The following ERBB4 variants were observed in gnomAD, a reference collection of about 807,000 sequenced individuals.
ERBB4 encodes erb-b2 receptor tyrosine kinase 4, also known as receptor tyrosine-protein kinase erbB-4.
Under a neutral mutation model 158.0 loss-of-function variants are expected in ERBB4, and 42 were observed. The observed-to-expected ratio is 0.27, with a 90% confidence interval of 0.21 to 0.34. The LOEUF (loss-of-function observed/expected upper bound fraction) is 0.34, where lower values mean the gene tolerates loss of function less well. Among genes scored for constraint, ERBB4 ranks in the 10% least tolerant of loss-of-function variants. The pLI, the probability that ERBB4 is intolerant of heterozygous loss-of-function variation, is 1.00. For synonymous variants in ERBB4, 583 were observed against 558.7 expected, an observed-to-expected ratio of 1.04 and a Z score of -0.61; for missense variants, 1,333 against 1,624.1, an observed-to-expected ratio of 0.82 and a Z score of 3.08.
At chr2:211,955,672 C>T (rs1370338148) in intron 2 of ERBB4, among the ~76,000 whole-genome samples, 1 of 152,066 alleles carries the variant, frequency 6.6e-6, no homozygotes, top group East Asian at 1.9e-4. Context: ...GCAGCCAGGC[C>T]TCAGTCAATC....
chr2:212,446,198 T>A (rs903196290), intron 1 of ERBB4, among the ~76,000 whole-genome samples: 2 of 152,036 alleles, frequency 1.3e-5, no homozygotes, highest in Non-Finnish European at 2.9e-5. Context: ...ACGGTTGGAC[T>A]TGTGATGGTT....
At chr2:212,315,437 C>G (rs545019339) in intron 1 of ERBB4, among the ~76,000 whole-genome samples, 2 of 151,512 alleles carry the variant, frequency 1.3e-5, no homozygotes, top group East Asian at 3.9e-4. Flanking sequence ...ATATCACACA[C>G]ATAATTATTA....
chr2:211,745,659 T>A lies in ERBB4; in HGVS notation c.622+4980A>T, dbSNP rs1357607478. On this transcript the variant is annotated intron_variant, in intron 5 of 27. Transcript: ENST00000342788. ...GGGTTTTGGATATATTAAAAATTAT[T>A]TAAGAGCTTCAACTGCATTGTTGAA... 3.3e-5 allele frequency among the ~76,000 whole-genome samples: 5 copies of A among 149,730 alleles called. 1 individual carries two copies. Among genetic ancestry groups the A allele is most frequent in the African/African-American group, 9.8e-5 (4 of 40,806 alleles).
intron 1 of ERBB4, among the ~76,000 whole-genome samples, chr2:212,420,721 G>A (rs78403063): frequency 1.3e-4 from 20 of 152,198 alleles, no homozygotes; most frequent in African/African-American, 3.9e-4. Flanking sequence ...ATCCTCAGGC[G>A]TTATAAAGAA....
intron 1 of ERBB4, among the ~76,000 whole-genome samples, chr2:212,517,039 C>T (rs936589358): frequency 1.6e-4 from 24 of 152,092 alleles, no homozygotes; most frequent in African/African-American, 5.8e-4. Flanking sequence ...TCTATATTCT[C>T]TCCACAACAT....
chr2:211,656,805 T>A (rs2071234329), intron 16 of ERBB4, among the ~76,000 whole-genome samples: 1 of 152,190 alleles, frequency 6.6e-6, no homozygotes, highest in African/African-American at 2.4e-5. Context: ...GTATCAGCAG[T>A]TTGTTCCTTT....
chr2:211,643,659 G>T (rs980844882), intron 16 of ERBB4, among the ~76,000 whole-genome samples: 1 of 151,908 alleles, frequency 6.6e-6, no homozygotes, highest in Non-Finnish European at 1.5e-5. Context: ...TACTATCTCT[G>T]GTGCTTCTAT....
chr2:212,041,937 G>A (rs1215772171), intron 2 of ERBB4, among the ~76,000 whole-genome samples: 1 of 152,008 alleles, frequency 6.6e-6, no homozygotes, highest in Non-Finnish European at 1.5e-5. Context: ...TCATGATGAA[G>A]ACACATTAAC....
chr2:211,928,890 T>C (rs1468168107), intron 3 of ERBB4, among the ~76,000 whole-genome samples: 1 of 152,156 alleles, frequency 6.6e-6, no homozygotes, highest in Non-Finnish European at 1.5e-5. Context: ...GAGCTAGGTG[T>C]AAGTTTGGGG....
chr2:211,818,507 T>C (rs2076925740), intron 3 of ERBB4, among the ~76,000 whole-genome samples: 1 of 152,062 alleles, frequency 6.6e-6, no homozygotes, highest in Non-Finnish European at 1.5e-5. Flanking sequence ...CAGAAGGGTA[T>C]TCCAATAAAA....
chr2:212,355,640 T>C (rs2089435158), intron 1 of ERBB4, among the ~76,000 whole-genome samples: 1 of 152,058 alleles, frequency 6.6e-6, no homozygotes, highest in East Asian at 1.9e-4. Context: ...TGCATATCAT[T>C]GCAATATGCT....
chr2:212,342,074 C>A (rs112985122), intron 1 of ERBB4, among the ~76,000 whole-genome samples: 1 of 152,072 alleles, frequency 6.6e-6, no homozygotes, highest in Admixed American at 6.6e-5. Context: ...ACCTGGGCAA[C>A]ATAGGGAGAT....
intron 1 of ERBB4, among the ~76,000 whole-genome samples, chr2:212,537,584 G>A (rs368017308): frequency 1.3e-5 from 2 of 152,042 alleles, no homozygotes; most frequent in African/African-American, 4.8e-5. Flanking sequence ...CTTTCGCCTC[G>A]GGTGGATCCA....
chr2:212,340,502 G>C (rs114518248), intron 1 of ERBB4, among the ~76,000 whole-genome samples: 1 of 152,164 alleles, frequency 6.6e-6, no homozygotes, highest in South Asian at 2.1e-4. Flanking sequence ...CCCATCTGGG[G>C]GTGATGATAG....
chr2:212,150,964 A>T (rs1471253372), intron 1 of ERBB4, among the ~76,000 whole-genome samples: 3 of 152,108 alleles, frequency 2.0e-5, no homozygotes, highest in African/African-American at 7.2e-5. Flanking sequence ...CCATAACCCT[A>T]ACCTTCTCCA....
chr2:212,038,037 A>T (rs1405312090), intron 2 of ERBB4, among the ~76,000 whole-genome samples: 1 of 152,160 alleles, frequency 6.6e-6, no homozygotes, highest in African/African-American at 2.4e-5. Flanking sequence ...TAGCCATAAC[A>T]TTCCATGTAT....
At chr2:212,448,554 G>A (rs1242100811) in intron 1 of ERBB4, among the ~76,000 whole-genome samples, 1 of 151,976 alleles carries the variant, frequency 6.6e-6, no homozygotes, top group Non-Finnish European at 1.5e-5. Context: ...CCTCTTCTCT[G>A]TAACATATAA....
rs143810996 is a variant in ERBB4 at position 211,836,254 on chromosome 2, A to T, written c.422-48095T>A. The stretch of plus-strand genomic sequence containing the variant: ...TATAGACACACGGGTCTCAATATAC[A>T]GTTTTACTCATGGATAAAATTGATT... On this transcript the variant is annotated intron_variant, in intron 3 of 27. Transcript: ENST00000342788. 2.3e-3 allele frequency among the ~76,000 whole-genome samples: 343 copies of T among 152,196 alleles called. 2 individuals carry two copies. Among genetic ancestry groups the T allele is most frequent in the African/African-American group, 7.8e-3 (324 of 41,570 alleles).
chr2:212,185,909 A>G (rs1437269890), intron 1 of ERBB4, among the ~76,000 whole-genome samples: 1 of 152,186 alleles, frequency 6.6e-6, no homozygotes, highest in Non-Finnish European at 1.5e-5. Context: ...CTAAAAATGC[A>G]AATACATAAA....
Sources: gnomAD v4.1 joint callset for allele counts (sites outside exome capture counted in the v4.1 genomes callset) on GRCh38, gnomAD v4.1.1 for gene constraint, MANE v1.5 for transcripts, NCBI Gene and HGNC (gene_info 2026-07-23, HGNC 2026-07-21) for gene names.